Variants in KLHL2 observed in about 807,000 individuals in gnomAD.
KLHL2 encodes the protein kelch-like protein 2.
KLHL2 carries 15 observed loss-of-function variants against 75.8 expected under a neutral mutation model. The observed-to-expected ratio is 0.20, with a 90% confidence interval of 0.13 to 0.30. KLHL2 has a LOEUF of 0.30. Among genes scored for constraint, KLHL2 ranks in the 10% least tolerant of loss-of-function variants. The pLI, the probability that KLHL2 is intolerant of heterozygous loss-of-function variation, is 1.00. For synonymous variants in KLHL2, 214 were observed against 251.9 expected, an observed-to-expected ratio of 0.85 and a Z score of 1.42; for missense variants, 381 against 741.0, an observed-to-expected ratio of 0.51 and a Z score of 5.64.
chr4:165,314,085 C>T lies in KLHL2; in HGVS notation c.1528C>T (p.Arg510Ter), dbSNP rs749766646. 3 of 1,613,292 alleles carry T rather than the reference C, an allele frequency of 1.9e-6. No homozygotes were observed. Among genetic ancestry groups the T allele is most frequent in the African/African-American group, 1.3e-5 (1 of 74,822 alleles). Residue 510 changes from arginine (R) to a stop codon, truncating the protein, a stop_gained, in exon 13 of 15, where the codon CGA becomes TGA. Transcript: ENST00000226725. LOFTEE classifies it high-confidence loss of function. ...AVGGHDGPLV[R>*]KSVEVYDPTT... ...AGGAGGTCATGATGGCCCTTTAGTA[C>T]GAAAAAGTGTTGAAGTATATGATCC...
At chr4:165,242,647 C>T (rs1446546116) in intron 4 of KLHL2, among the ~76,000 whole-genome samples, 6 of 152,216 alleles carry the variant, frequency 3.9e-5, no homozygotes, top group Non-Finnish European at 8.8e-5. Context: ...CAGACATGCA[C>T]CATCACGCCC....
At chr4:165,219,632 A>G (rs1287710161) in intron 1 of KLHL2, 14 of 1,086,628 alleles carry the variant, frequency 1.3e-5, no homozygotes, top group Non-Finnish European at 1.6e-5. Context: ...GGAGAAGATC[A>G]TTTCTCAACA....
Position 165,220,070 on chromosome 4 carries a change from A to T in KLHL2, c.152+11A>T. 5.6e-6 allele frequency: 9 copies of T among 1,597,102 alleles called. No homozygotes were observed. The highest frequency in any genetic ancestry group is 7.7e-6 in the Non-Finnish European group (9 of 1,174,492). ...GAACGAATTAAGAAGGTATCATTAT[A>T]CTAATGTACATGCAACCATTGGTTT... is the stretch of plus-strand genomic sequence containing the variant. On this transcript the variant is annotated intron_variant, in intron 2 of 14. Coordinates refer to ENST00000226725, the MANE Select transcript of KLHL2 (RefSeq NM_007246.4).
chr4:165,321,987 G>A (rs1274799781), intron 14 of KLHL2, 45 bp from the exon 15 acceptor site: 1 of 1,582,132 alleles, frequency 6.3e-7, no homozygotes. Context: ...GAGATACAGA[G>A]TGCTGCCTGT....
At chr4:165,242,611 C>G (rs923225678) in intron 4 of KLHL2, among the ~76,000 whole-genome samples, 1 of 152,146 alleles carries the variant, frequency 6.6e-6, no homozygotes, top group Non-Finnish European at 1.5e-5. Context: ...ATTCTCCCAC[C>G]TCAGCCTTCC....
intron 1 of KLHL2, among the ~76,000 whole-genome samples, chr4:165,217,403 T>G (rs1296110653): frequency 6.6e-6 from 1 of 152,220 alleles, no homozygotes; most frequent in Non-Finnish European, 1.5e-5. Context: ...GCCATCTTTT[T>G]GGCTTCTAGA....
intron 4 of KLHL2, among the ~76,000 whole-genome samples, chr4:165,250,078 C>T (rs1161599131): frequency 3.3e-5 from 5 of 151,886 alleles, no homozygotes; most frequent in African/African-American, 1.2e-4. Context: ...AAGCCGAGAT[C>T]ACCCCACTGC....
chr4:165,313,790 A>C (rs569994921), intron 12 of KLHL2, among the ~76,000 whole-genome samples: 38 of 152,232 alleles, frequency 2.5e-4, no homozygotes, highest in Admixed American at 1.4e-3. Context: ...ACATGTTATT[A>C]ATATTTTTAT....
chr4:165,264,678 A>ATG (rs1202309635), intron 5 of KLHL2, among the ~76,000 whole-genome samples: 118 of 64,770 alleles, frequency 1.8e-3, no homozygotes, highest in South Asian at 6.9e-3. Flanking sequence ...ACATACGTAT[A>ATG]TGTATGTGTG....
At chr4:165,258,946 A>G (rs1038473743) in intron 4 of KLHL2, among the ~76,000 whole-genome samples, 5 of 152,220 alleles carry the variant, frequency 3.3e-5, no homozygotes, top group Non-Finnish European at 7.3e-5. Flanking sequence ...GCTATATTCT[A>G]CAAGTGCTGA....
chr4:165,246,684 C>CT (rs1378389194), intron 4 of KLHL2, among the ~76,000 whole-genome samples: 36 of 152,234 alleles, frequency 2.4e-4, no homozygotes, highest in African/African-American at 8.7e-4. Context: ...GTGCTGTTGT[C>CT]TGAGATGGTG....
intron 5 of KLHL2, among the ~76,000 whole-genome samples, chr4:165,276,494 A>G (rs1367892950): frequency 2.7e-5 from 4 of 150,720 alleles, no homozygotes; most frequent in African/African-American, 9.7e-5. Flanking sequence ...CATTGCTCTC[A>G]CTGCCATCAG....
intron 5 of KLHL2, chr4:165,277,752 C>G (rs1467293621): frequency 5.2e-6 from 1 of 191,386 alleles, no homozygotes; most frequent in Admixed American, 6.8e-5. Context: ...GTTAAAAACA[C>G]ACACACACAC....
chr4:165,230,189 G>T (rs1300237715), intron 3 of KLHL2, among the ~76,000 whole-genome samples: 1 of 152,134 alleles, frequency 6.6e-6, no homozygotes, highest in Non-Finnish European at 1.5e-5. Context: ...AGTCTCTAAG[G>T]CTTGTAAGAG....
At chr4:165,297,764 T>C (rs780338766) in intron 7 of KLHL2, 39 bp downstream of exon 7, 4 of 1,196,396 alleles carry the variant, frequency 3.3e-6, no homozygotes, top group Non-Finnish European at 5.0e-6. Context: ...CACACAGCAC[T>C]GTGTCACTGG....
intron 3 of KLHL2, among the ~76,000 whole-genome samples, 191 bp from the exon 4 acceptor site, chr4:165,238,587 T>C (rs3817237): frequency 0.087 from 13,171 of 152,160 alleles, 636 homozygotes; most frequent in Middle Eastern, 0.13. Flanking sequence ...GTAACAAAAG[T>C]ACATTTTATG....
intron 13 of KLHL2, among the ~76,000 whole-genome samples, chr4:165,316,121 G>C (rs1388186170): frequency 6.6e-6 from 1 of 152,162 alleles, no homozygotes; most frequent in Non-Finnish European, 1.5e-5. Flanking sequence ...CTGGTGTTGT[G>C]AGTTAGTGGG....
chr4:165,314,032 G>C lies in KLHL2; in HGVS notation c.1475G>C (p.Gly492Ala), dbSNP rs767204605. ...GGCTGGTTGTGTTTTATAGGTGTTG[G>C]TGTGTTAAACAATTTATTGTATGCT... ...MSTRRSGAGV[G>A]VLNNLLYAVG... Residue 492 changes from glycine (G) to alanine (A), a missense_variant, in exon 13 of 15, where the codon GGT becomes GCT. Physicochemically the swap from Gly to Ala is moderately conservative, Grantham distance 60 (BLOSUM62 0). This residue lies in a region of KLHL2 where 168 missense variants were observed against 370.4 expected (regional missense o/e 0.45). Transcript: ENST00000226725. 6.2e-7 allele frequency: 1 copy of C among 1,611,808 alleles called. No homozygotes were observed. The highest frequency in any genetic ancestry group is 1.7e-5 in the Admixed American group (1 of 59,702).
chr4:165,224,788 T>G (rs1016760536), intron 2 of KLHL2, among the ~76,000 whole-genome samples: 15 of 152,260 alleles, frequency 9.9e-5, no homozygotes, highest in African/African-American at 3.6e-4. Flanking sequence ...TAATGTATAA[T>G]AATCACATTA....
Sources: gnomAD v4.1 joint callset for allele counts (sites outside exome capture counted in the v4.1 genomes callset) on GRCh38, gnomAD v4.1.1 for gene constraint, gnomAD v4.1.1 regional missense constraint, MANE v1.5 for transcripts, NCBI Gene and HGNC (gene_info 2026-07-23, HGNC 2026-07-21) for gene names.